CCM2: variants seen among roughly 807,000 people sequenced by gnomAD.
The protein encoded by CCM2 is cerebral cavernous malformations 2 protein.
Under a neutral mutation model 44.9 loss-of-function variants are expected in CCM2, and 25 were observed. The ratio of observed to expected loss-of-function variants is 0.56; its 90% CI spans 0.41 to 0.78. CCM2 has a LOEUF of 0.78. Ranked by LOEUF, CCM2 falls within the 30% of genes least tolerant of loss-of-function variation. The pLI, the probability that CCM2 is intolerant of heterozygous loss-of-function variation, is 0.00. For synonymous variants in CCM2, 219 were observed against 241.1 expected (o/e 0.91, Z 0.85); for missense variants, 481 against 580.6 (o/e 0.83, Z 1.76).
intron 1 of CCM2, among the ~76,000 whole-genome samples, chr7:45,015,291 C>T (rs1796220616): frequency 6.6e-6 from 1 of 152,136 alleles, no homozygotes. Flanking sequence ...AATCTGGTTC[C>T]TGTTTTCTTC....
chr7:45,028,279 T>C (rs1220832804), intron 1 of CCM2, among the ~76,000 whole-genome samples: 1 of 152,216 alleles, frequency 6.6e-6, no homozygotes, highest in Non-Finnish European at 1.5e-5. Context: ...ACCGCCAGTG[T>C]GGCCTCCTGT....
intron 1 of CCM2, among the ~76,000 whole-genome samples, chr7:45,028,576 G>GA (rs1796800396): frequency 6.6e-6 from 1 of 152,070 alleles, no homozygotes; most frequent in Non-Finnish European, 1.5e-5. Flanking sequence ...AGAATCACTT[G>GA]AACCCGGGAG....
chr7:45,049,235 T>G (rs1356587891), intron 2 of CCM2, among the ~76,000 whole-genome samples: 1 of 152,218 alleles, frequency 6.6e-6, no homozygotes, highest in Non-Finnish European at 1.5e-5. Flanking sequence ...AGATTACAAG[T>G]GTGAGCCACC....
At chr7:45,018,063 C>CTG (rs10669878) in intron 1 of CCM2, among the ~76,000 whole-genome samples, 131,931 of 152,124 alleles carry the variant, frequency 0.87, 57,525 homozygotes, top group African/African-American at 0.96. Context: ...TGGGATGAAA[C>CTG]TTCCATATCA....
chr7:45,054,560 C>T (rs1050123214), intron 2 of CCM2, among the ~76,000 whole-genome samples: 1 of 152,076 alleles, frequency 6.6e-6, no homozygotes, highest in African/African-American at 2.4e-5. Context: ...ACTCCCCTAC[C>T]CCACCCCCTA....
chr7:45,035,862 G>A (rs1797193049), intron 1 of CCM2, among the ~76,000 whole-genome samples: 1 of 152,066 alleles, frequency 6.6e-6, no homozygotes, highest in Admixed American at 6.5e-5. Flanking sequence ...AGTGGAAGAA[G>A]AGATAAATTT....
intron 1 of CCM2, among the ~76,000 whole-genome samples, chr7:45,028,368 G>T (rs1796787532): frequency 6.6e-6 from 1 of 152,076 alleles, no homozygotes; most frequent in African/African-American, 2.4e-5. Context: ...CTTGAAATTC[G>T]CTCTGTCAGC....
intron 2 of CCM2, among the ~76,000 whole-genome samples, chr7:45,061,884 G>A (rs1179830615): frequency 6.6e-6 from 1 of 152,138 alleles, no homozygotes; most frequent in Non-Finnish European, 1.5e-5. Flanking sequence ...GCTCATGGAG[G>A]TAAAACTCAG....
chr7:45,030,482 G>T (rs55939096), intron 1 of CCM2, among the ~76,000 whole-genome samples: 14,823 of 152,114 alleles, frequency 0.097, 1,290 homozygotes, highest in African/African-American at 0.23. Flanking sequence ...TGTTTCCTAG[G>T]CTGGGTGCAG....
At chr7:45,001,068 T>C (rs1795601101) in intron 1 of CCM2, among the ~76,000 whole-genome samples, 1 of 152,256 alleles carries the variant, frequency 6.6e-6, no homozygotes, top group African/African-American at 2.4e-5. Context: ...TCTTCACGTC[T>C]TGGCTATCAT....
At chr7:45,040,170 G>T (rs1341685337) in intron 2 of CCM2, among the ~76,000 whole-genome samples, 2 of 151,438 alleles carry the variant, frequency 1.3e-5, no homozygotes, top group African/African-American at 2.4e-5. Flanking sequence ...CAATCACGAG[G>T]TCAGGAGATT....
At chr7:45,003,348 G>A (rs1795721619) in intron 1 of CCM2, among the ~76,000 whole-genome samples, 1 of 152,086 alleles carries the variant, frequency 6.6e-6, no homozygotes, top group African/African-American at 2.4e-5. Flanking sequence ...GGTGCTGGGT[G>A]GCTGAGCCAC....
At chr7:45,050,033 A>G (rs1298152462) in intron 2 of CCM2, among the ~76,000 whole-genome samples, 1 of 152,250 alleles carries the variant, frequency 6.6e-6, no homozygotes, top group Non-Finnish European at 1.5e-5. Flanking sequence ...CACATATGAC[A>G]ATGGTCCCAT....
At chr7:45,001,605 A>G (rs1329202258) in intron 1 of CCM2, among the ~76,000 whole-genome samples, 1 of 152,234 alleles carries the variant, frequency 6.6e-6, no homozygotes, top group Non-Finnish European at 1.5e-5. Context: ...GCCGGGATCC[A>G]AGAGCGCGCT....
chr7:45,005,391 A>G (rs1795804016), intron 1 of CCM2, among the ~76,000 whole-genome samples: 1 of 152,266 alleles, frequency 6.6e-6, no homozygotes, highest in Admixed American at 6.5e-5. Context: ...ATCCTTTCAG[A>G]GGAAGATAGT....
intron 2 of CCM2, among the ~76,000 whole-genome samples, chr7:45,042,312 A>C (rs1362816527): frequency 6.6e-6 from 1 of 150,464 alleles, no homozygotes; most frequent in African/African-American, 2.4e-5. Flanking sequence ...CCTAGGTTAA[A>C]TTTTCTAGCA....
Position 45,075,877 on chromosome 7 carries a change from T to C in CCM2, c.1155T>C (p.Phe385=), listed in dbSNP as rs775493426. The C allele has an allele frequency of 2.5e-6, 4 of 1,613,544 alleles. No individual in the cohort carries two copies. The highest frequency in any genetic ancestry group is 1.6e-4 in the Middle Eastern group (1 of 6,062). Reference sequence around the variant, plus strand: ...GCCGCGGCATCATCACTGACAGCTTTGGCAGGCACCGGCGGGCCCTGAGCA... The same window carrying C: ...GCCGCGGCATCATCACTGACAGCTTCGGCAGGCACCGGCGGGCCCTGAGCA... ...KDGRGIITDS[F]GRHRRALSTT... The change falls in exon 10 of 10, where the codon TTT becomes TTC. Residue 385 remains phenylalanine, a synonymous_variant. Transcript: ENST00000258781.
At chr7:45,055,585 A>G (rs1477520242) in intron 2 of CCM2, among the ~76,000 whole-genome samples, 1 of 152,156 alleles carries the variant, frequency 6.6e-6, no homozygotes, top group African/African-American at 2.4e-5. Flanking sequence ...GCTATTTGGG[A>G]GGCTGAGGCA....
At chr7:45,013,984 C>G (rs1324092486) in intron 1 of CCM2, among the ~76,000 whole-genome samples, 4 of 152,058 alleles carry the variant, frequency 2.6e-5, no homozygotes, top group Non-Finnish European at 5.9e-5. Context: ...TGCCAAGTTT[C>G]TTCATTTTAA....
Sources: gnomAD v4.1 joint callset for allele counts (sites outside exome capture counted in the v4.1 genomes callset) on GRCh38, gnomAD v4.1.1 for gene constraint, MANE v1.5 for transcripts, NCBI Gene and HGNC (gene_info 2026-07-23, HGNC 2026-07-21) for gene names.